The following ZNF587 variants were observed in gnomAD, a reference collection of about 807,000 sequenced individuals.
ZNF587 encodes zinc finger protein 587, also known as zinc finger protein zfp6.
Under a neutral mutation model 7.5 loss-of-function variants are expected in ZNF587, and 8 were observed. That is an observed-to-expected ratio of 1.06 (90% CI 0.62 to 1.92). The LOEUF (loss-of-function observed/expected upper bound fraction) is 1.92. Ranked by LOEUF, ZNF587 falls within the 40% of genes most tolerant of loss-of-function variation. The pLI, the probability that ZNF587 is intolerant of heterozygous loss-of-function variation, is 0.00. For missense variants in ZNF587, 468 were observed against 692.8 expected (o/e 0.68, Z 3.64); for synonymous variants, 145 against 237.8 (o/e 0.61, Z 3.59).
In ZNF587 at chr19:57,864,752, GAA is replaced by G. The variant is rs2071485568; in HGVS notation, c.*4613_*4614del. On this transcript the variant is annotated 3_prime_UTR_variant, in exon 3 of 3. Transcript: ENST00000339656. ...CAAACAAATTATGACCACACACACT[GAA>G]GAGTATGTTTGTCTCTTGTGGTGTA... 6.6e-6 allele frequency: 1 copy of G among 152,112 alleles called. No individual in the cohort carries two copies. Among genetic ancestry groups the G allele is most frequent in the South Asian group, 2.1e-4 (1 of 4,822 alleles). The allele number at this position is 152,112 out of a possible 1,614,324, so 9.4% of individuals were successfully genotyped here. A position where few individuals can be genotyped will look rare whatever the true frequency, so the allele number is the denominator to read the frequency against.
intron 2 of ZNF587, chr19:57,858,024 C>G (rs972054147): frequency 2.6e-5 from 4 of 155,716 alleles, no homozygotes; most frequent in East Asian, 1.9e-4. Context: ...TAGACCCTGC[C>G]TCTACTCCCT....
intron 2 of ZNF587, 82 bp downstream of exon 2, chr19:57,856,315 C>T (rs1269416318): frequency 2.0e-6 from 3 of 1,522,442 alleles, no homozygotes; most frequent in African/African-American, 2.8e-5. Context: ...GTCTTTCTCA[C>T]CTAAGGAGCC....
At position 57,860,169 on chromosome 19, in the gene ZNF587, G is replaced by T; in HGVS notation, c.*29G>T. On this transcript the variant is annotated 3_prime_UTR_variant, in exon 3 of 3. Coordinates refer to ENST00000339656, the MANE Select transcript of ZNF587 (RefSeq NM_032828.4). ...CAGTGAATATGGGAAATCGTTTGCT[G>T]AAGCATCCCGTCTCGTTAAACACAG... is the stretch of plus-strand genomic sequence containing the variant. The T allele has an allele frequency of 6.2e-7, 1 of 1,614,044 alleles. No individual in the cohort carries two copies. Among genetic ancestry groups the T allele is most frequent in the Non-Finnish European group, 8.5e-7 (1 of 1,179,962 alleles).
rs186804701 is a variant in ZNF587, at chr19:57,856,699, C to T, written c.163+466C>T. ...CTGGGATTATAGGCGTGAGCCACCA[C>T]GCCCAGCCACCTTTTCCTCTCCTTA... On this transcript the variant is annotated intron_variant, in intron 2 of 2. Coordinates refer to ENST00000339656, the MANE Select transcript of ZNF587 (RefSeq NM_032828.4). Among the ~76,000 whole-genome samples, 324 of 152,118 alleles carry T rather than the reference C, an allele frequency of 2.1e-3. 8 individuals are homozygous for T. Among genetic ancestry groups the T allele is most frequent in the African/African-American group, 7.5e-3 (312 of 41,428 alleles).
chr19:57,852,840 CTTTTTTTTTTTT>C (rs35543941), intron 1 of ZNF587, among the ~76,000 whole-genome samples: 84 of 25,272 alleles, frequency 3.3e-3, no homozygotes, highest in African/African-American at 4.5e-3. Context: ...GACAGCTAGG[CTTTTTTTTTTTT>C]TTTTTTTTTT....
Position 57,859,617 on chromosome 19 carries a change from A to G in ZNF587, c.1205A>G (p.His402Arg), listed in dbSNP as rs754505089. ...KGNLVHHQRG[H>R]TGERPYECKE... The stretch of plus-strand genomic sequence containing the variant: ...AACCTCGTTCACCATCAGCGAGGTC[A>G]TACTGGAGAAAGGCCCTATGAGTGC... The change falls in exon 3 of 3, where the codon CAT (histidine) becomes CGT (arginine). Residue 402 changes from histidine to arginine, a missense_variant. By Grantham distance (29) the His-to-Arg change is conservative. This residue lies in a region of ZNF587 where 310 missense variants were observed against 325.6 expected (regional missense o/e 0.95). Transcript: ENST00000339656. 1 of 1,614,146 alleles carries G rather than the reference A, an allele frequency of 6.2e-7. No individual in the cohort carries two copies. The highest frequency in any genetic ancestry group is 1.7e-5 in the Admixed American group (1 of 60,014).
chr19:57,850,037 C>G lies in ZNF587; in HGVS notation c.-2C>G. ...CCGGGCCGTGCTTCCCCAAGTAGTC[C>G]GATGGCAGCGGCTGTGCCGAGGCGC... On this transcript the variant is annotated 5_prime_UTR_variant, in exon 1 of 3. Coordinates refer to ENST00000339656, the MANE Select transcript of ZNF587 (RefSeq NM_032828.4). 4.3e-6 allele frequency: 7 copies of G among 1,614,250 alleles called. No homozygotes were observed. Among genetic ancestry groups the G allele is most frequent in the Non-Finnish European group, 5.9e-6 (7 of 1,180,050 alleles).
chr19:57,856,800 G>C (rs1427429216), intron 2 of ZNF587, among the ~76,000 whole-genome samples: 2 of 152,016 alleles, frequency 1.3e-5, no homozygotes, highest in Non-Finnish European at 2.9e-5. Flanking sequence ...GCACCTTAAT[G>C]TATCCACTTT....
Position 57,850,097 on chromosome 19 carries a change from C to T in ZNF587, c.33+26C>T, listed in dbSNP as rs757636292. On this transcript the variant is annotated intron_variant, in intron 1 of 2. Coordinates refer to ENST00000339656, the MANE Select transcript of ZNF587 (RefSeq NM_032828.4). ...GTAATTGTGGTGCCTTCTGTGCCCT[C>T]AGGTCACCCCATCGTCACCCAGGTC... 16 of 1,614,136 alleles carry T rather than the reference C, an allele frequency of 9.9e-6. No homozygotes were observed. In the East Asian group the frequency reaches 2.0e-4, roughly 20 times the overall value.
At chr19:57,850,135 G>A (rs775225203) in intron 1 of ZNF587, 64 bp downstream of exon 1, 20 of 1,613,944 alleles carry the variant, frequency 1.2e-5, no homozygotes, top group Non-Finnish European at 1.7e-5. Context: ...AAACCAGCGA[G>A]GGAGCGGCTC....
rs2071340296 is a variant in ZNF587, at chr19:57,855,472, T to C, written c.34-632T>C. ...AGTATAAAGAATGATATATATTTAATGAGAGCGAGGTTGTCTGATGGACTC... is the reference window on the plus strand; with the variant it reads ...AGTATAAAGAATGATATATATTTAACGAGAGCGAGGTTGTCTGATGGACTC... On this transcript the variant is annotated intron_variant, in intron 1 of 2. Coordinates refer to ENST00000339656, the MANE Select transcript of ZNF587 (RefSeq NM_032828.4). Among the ~76,000 whole-genome samples, 3 of 152,102 alleles carry C rather than the reference T, an allele frequency of 2.0e-5. No individual in the cohort carries two copies. The South Asian group carries it at 6.2e-4, about 32-fold the overall frequency.
chr19:57,857,163 G>T (rs1490929998), intron 2 of ZNF587: 1 of 151,934 alleles, frequency 6.6e-6, no homozygotes, highest in African/African-American at 2.4e-5. Flanking sequence ...ACAAGATGTG[G>T]TTCAATTCAG....
At chr19:57,857,851 G>T (rs2071382181) in intron 2 of ZNF587, among the ~76,000 whole-genome samples, 1 of 151,836 alleles carries the variant, frequency 6.6e-6, no homozygotes. Flanking sequence ...AGCCAGGCTG[G>T]TCTCGAACTC....
rs577217366 is a variant in ZNF587 at position 57,862,914 on chromosome 19, G to C, written c.*2774G>C. 1 of 154,980 alleles carries C rather than the reference G, an allele frequency of 6.5e-6. No homozygotes were observed. The highest frequency in any genetic ancestry group is 6.5e-5 in the Admixed American group (1 of 15,288). The allele number at this position is 154,980 out of a possible 1,614,324, so 9.6% of individuals were successfully genotyped here. A position where few individuals can be genotyped will look rare whatever the true frequency, so the allele number is the denominator to read the frequency against. On this transcript the variant is annotated 3_prime_UTR_variant, in exon 3 of 3. Coordinates refer to ENST00000339656, the MANE Select transcript of ZNF587 (RefSeq NM_032828.4). ...ACTGTAACAGCTTTATATTTGTGAA[G>C]TGAAGAACATGAAGACAGTTTCAAG...
In ZNF587 at chr19:57,858,751, T is replaced by G. The variant is rs896961983; in HGVS notation, c.339T>G (p.Thr113=). 21 of 1,596,706 alleles carry G rather than the reference T, an allele frequency of 1.3e-5. No individual in the cohort carries two copies. Among genetic ancestry groups the G allele is most frequent in the Non-Finnish European group, 1.7e-5 (20 of 1,170,050 alleles). ...TTCACTTTGCTGACCACCAGGAAAC[T>G]CATCACAAGCAGAAGCTGAACAGGA... ...DVFHFADHQE[T]HHKQKLNRSG... Residue 113 remains threonine (T), a synonymous_variant, in exon 3 of 3, where the codon ACT becomes ACG. Transcript: ENST00000339656.
Position 57,849,868 on chromosome 19 carries a change from T to C in ZNF587, c.-171T>C. The C allele has an allele frequency of 6.7e-7, 1 of 1,489,238 alleles. No homozygotes were observed. The highest frequency in any genetic ancestry group is 8.9e-7 in the Non-Finnish European group (1 of 1,118,736). 92.3% of individuals were successfully genotyped at this position (1,489,238 alleles called of 1,614,324 possible). On this transcript the variant is annotated 5_prime_UTR_variant, in exon 1 of 3. Transcript: ENST00000339656. Reference sequence around the variant, plus strand: ...GACTTCCGGGGTCTCTAGTAGCGGCTGTGTATCGGCGATGCGGGTGTTTCC... The same window carrying C: ...GACTTCCGGGGTCTCTAGTAGCGGCCGTGTATCGGCGATGCGGGTGTTTCC...
chr19:57,862,961 T>C lies in ZNF587; in HGVS notation c.*2821T>C, dbSNP rs1212405476. ...CAAGCAAAGTTATTGAGTGGACACT[T>C]TGTGTTTTTTTTGAGAAGTCTCACT... On this transcript the variant is annotated 3_prime_UTR_variant, in exon 3 of 3. Transcript: ENST00000339656. 1 of 154,606 alleles carries C rather than the reference T, an allele frequency of 6.5e-6. No individual in the cohort carries two copies. Among genetic ancestry groups the C allele is most frequent in the Admixed American group, 6.5e-5 (1 of 15,270 alleles). The allele number at this position is 154,606 out of a possible 1,614,324, so 9.6% of individuals were successfully genotyped here.
chr19:57,858,274 CCACAA>C (rs1696245143), intron 2 of ZNF587: 1 of 390,856 alleles, frequency 2.6e-6, no homozygotes, highest in Admixed American at 4.4e-5. Context: ...TTACAGGTGT[CCACAA>C]CCACATCCAG....
chr19:57,850,309 C>T (rs529807251), intron 1 of ZNF587: 1 of 661,930 alleles, frequency 1.5e-6, no homozygotes, highest in Non-Finnish European at 2.6e-6. Flanking sequence ...TCACGCAGAG[C>T]CGTCCTGCTG....
Sources: gnomAD v4.1 joint callset for allele counts (sites outside exome capture counted in the v4.1 genomes callset) on GRCh38, gnomAD v4.1.1 for gene constraint, gnomAD v4.1.1 regional missense constraint, MANE v1.5 for transcripts, NCBI Gene and HGNC (gene_info 2026-07-23, HGNC 2026-07-21) for gene names.